SPTBN4: variants seen among roughly 807,000 people sequenced by gnomAD.
SPTBN4 encodes the protein spectrin beta, non-erythrocytic 4.
SPTBN4 carries 96 observed loss-of-function variants against 277.8 expected under a neutral mutation model. The observed-to-expected ratio is 0.35, with a 90% confidence interval of 0.29 to 0.41. SPTBN4 has a LOEUF of 0.41. SPTBN4 is among the 10% of genes least tolerant of loss of function. The pLI is 1.00. For synonymous variants in SPTBN4, 1,481 were observed against 1,580.3 expected (o/e 0.94, Z 1.49); for missense variants, 3,006 against 3,595.7 (o/e 0.84, Z 4.19).
rs993536802 is a variant in SPTBN4, at chr19:40,576,197, G to A, written c.*628G>A. On this transcript the variant is annotated 3_prime_UTR_variant, in exon 36 of 36. Transcript: ENST00000598249. ...TCCTCCCCCGCCCCGCATCCGCGAAGGCTTTTAATGGGAGGGGCGTCAAAG... is the reference window on the plus strand; with the variant it reads ...TCCTCCCCCGCCCCGCATCCGCGAAAGCTTTTAATGGGAGGGGCGTCAAAG... The A allele has an allele frequency of 4.6e-5, 7 of 152,520 alleles. No homozygotes were observed. Among genetic ancestry groups the A allele is most frequent in the African/African-American group, 1.7e-4 (7 of 41,452 alleles). The allele number at this position is 152,520 out of a possible 1,614,324, so 9.4% of individuals were successfully genotyped here.
chr19:40,562,677 A>G (rs1323107774), intron 27 of SPTBN4, among the ~76,000 whole-genome samples: 1 of 150,800 alleles, frequency 6.6e-6, no homozygotes, highest in Non-Finnish European at 1.5e-5. Context: ...TCTACTAAAA[A>G]TACAAACTTA....
intron 20 of SPTBN4, among the ~76,000 whole-genome samples, chr19:40,546,397 T>C (rs2080860844): frequency 6.6e-6 from 1 of 152,178 alleles, no homozygotes; most frequent in Non-Finnish European, 1.5e-5. Flanking sequence ...TCCTTTTTTT[T>C]TGCTGATGTC....
Position 40,513,247 on chromosome 19 carries a change from G to C in SPTBN4, c.2458G>C (p.Gly820Arg), listed in dbSNP as rs1247661689. ...GGCGCGCCAGCACCGCGCGCTCACC[G>C]GGGAGGTGGAGGCACATCGCGGGCC... is the stretch of plus-strand genomic sequence containing the variant. ...RLARQHRALTGEVEAHRGPVS... is the reference protein window; with the variant it reads ...RLARQHRALTREVEAHRGPVS... The change falls in exon 14 of 36, where the codon GGG becomes CGG. Residue 820 changes from glycine (G) to arginine (R), a missense_variant. Physicochemically the swap from Gly to Arg is moderately radical, Grantham distance 125. Around this residue, in one of 5 missense-constraint regions of SPTBN4, gnomAD observed 1,759 missense variants for 2,061.5 expected, o/e 0.85. Coordinates refer to ENST00000598249, the MANE Select transcript of SPTBN4 (RefSeq NM_020971.3). 3 of 1,521,316 alleles carry C rather than the reference G, an allele frequency of 2.0e-6. No homozygotes were observed. The highest frequency in any genetic ancestry group is 1.8e-6 in the Non-Finnish European group (2 of 1,140,954). 94.2% of individuals were successfully genotyped at this position (1,521,316 alleles called of 1,614,324 possible). A position where few individuals can be genotyped will look rare whatever the true frequency, so the allele number is the denominator to read the frequency against.
chr19:40,515,416 G>A lies in SPTBN4; in HGVS notation c.2871G>A (p.Glu957=). Reference sequence around the variant, plus strand: ...AAGGAGGCCACCCCAGTTCAGATGAGGTGCGTTCCTGCCAGGACCACCTCA... The same window carrying A: ...AAGGAGGCCACCCCAGTTCAGATGAAGTGCGTTCCTGCCAGGACCACCTCA... ...LVEGGHPSSD[E]VRSCQDHLNS... Residue 957 remains glutamate, a synonymous_variant, in exon 15 of 36, where the codon GAG becomes GAA. Coordinates refer to ENST00000598249, the MANE Select transcript of SPTBN4 (RefSeq NM_020971.3). This position sits in a 1 kb window ranked among gnomAD's most constrained non-coding sequence, Gnocchi z 4.1. 1.3e-6 allele frequency: 2 copies of A among 1,581,244 alleles called. No homozygotes were observed. The highest frequency in any genetic ancestry group is 1.7e-6 in the Non-Finnish European group (2 of 1,163,186).
In SPTBN4 at chr19:40,549,549, CTCAT is replaced by C. The variant is rs1215073485; in HGVS notation, c.4584+148_4584+151del. 119 of 646,532 alleles carry C rather than the reference CTCAT, an allele frequency of 1.8e-4. 1 individual carries two copies. In the East Asian group the frequency reaches 3.4e-3, roughly 19 times the overall value. 40.0% of individuals were successfully genotyped at this position (646,532 alleles called of 1,614,324 possible). On this transcript the variant is annotated intron_variant, in intron 21 of 35. Transcript: ENST00000598249. ...GCTGAAAGACGCATTCAGCCGTTCA[CTCAT>C]TCATTCATTCACACTCATTTACTCA... is the stretch of plus-strand genomic sequence containing the variant.
intron 13 of SPTBN4, among the ~76,000 whole-genome samples, chr19:40,509,492 G>T (rs562886892): frequency 2.0e-5 from 3 of 152,130 alleles, no homozygotes; most frequent in Non-Finnish European, 2.9e-5. Flanking sequence ...TGATCTGCCC[G>T]CTTTGTCTTC....
At chr19:40,530,660 C>G (rs1156661271) in intron 18 of SPTBN4, 1 of 826,334 alleles carries the variant, frequency 1.2e-6, no homozygotes, top group African/African-American at 1.9e-5. Context: ...GGGGCTCGGG[C>G]GCGTGCCCGC....
At position 40,519,573 on chromosome 19, in the gene SPTBN4, G is replaced by A; in HGVS notation, c.3076G>A (p.Gly1026Ser). 1.3e-6 allele frequency: 2 copies of A among 1,508,788 alleles called. No individual in the cohort carries two copies. The highest frequency in any genetic ancestry group is 1.8e-6 in the Non-Finnish European group (2 of 1,137,032). 93.5% of individuals were successfully genotyped at this position (1,508,788 alleles called of 1,614,324 possible). Reference sequence around the variant, plus strand: ...CGGCGCCCTGCAGTGGCGTCTTAGCGGCCTAGAGGCCGCTCTGCAGGCGCT... The same window carrying A: ...CGGCGCCCTGCAGTGGCGTCTTAGCAGCCTAGAGGCCGCTCTGCAGGCGCT... The part of the protein sequence containing the change: ...AGGALQWRLS[G>S]LEAALQALEP... The change falls in exon 16 of 36, where the codon GGC (glycine) becomes AGC (serine). Residue 1026 changes from glycine to serine, a missense_variant. Physicochemically the swap from Gly to Ser is moderately conservative, Grantham distance 56. Transcript: ENST00000598249. This position sits in a 1 kb window ranked among gnomAD's most constrained non-coding sequence, Gnocchi z 5.7.
chr19:40,491,309 C>T (rs77172023), intron 4 of SPTBN4, among the ~76,000 whole-genome samples: 4,914 of 152,016 alleles, frequency 0.032, 112 homozygotes, highest in African/African-American at 0.056. Flanking sequence ...TGGGAGGCAA[C>T]GGGAGACATG....
At position 40,557,010 on chromosome 19, in the gene SPTBN4, T is replaced by A; in HGVS notation, c.5290-13T>A. On this transcript the variant is annotated splice_polypyrimidine_tract_variant and intron_variant, in intron 25 of 35. Coordinates refer to ENST00000598249, the MANE Select transcript of SPTBN4 (RefSeq NM_020971.3). ...CACTTTGCTGTACCCCCCCCCCCACTTCCTGATGGCAGGTGCTGCAGGAGA... is the reference window on the plus strand; with the variant it reads ...CACTTTGCTGTACCCCCCCCCCCACATCCTGATGGCAGGTGCTGCAGGAGA... 2 of 1,221,112 alleles carry A rather than the reference T, an allele frequency of 1.6e-6. No individual in the cohort carries two copies. The highest frequency in any genetic ancestry group is 2.2e-6 in the Non-Finnish European group (2 of 895,894). The allele number at this position is 1,221,112 out of a possible 1,614,324, so 75.6% of individuals were successfully genotyped here.
intron 20 of SPTBN4, among the ~76,000 whole-genome samples, chr19:40,535,135 A>G (rs1349983888): frequency 6.6e-6 from 1 of 152,146 alleles, no homozygotes; most frequent in African/African-American, 2.4e-5. Flanking sequence ...AGTCCATTGC[A>G]GCCTCAAACT....
chr19:40,560,947 T>C lies in SPTBN4; in HGVS notation c.5915+544T>C, dbSNP rs936021349. On this transcript the variant is annotated intron_variant, in intron 27 of 35. Coordinates refer to ENST00000598249, the MANE Select transcript of SPTBN4 (RefSeq NM_020971.3). This position sits in a 1 kb window ranked among gnomAD's most constrained non-coding sequence, Gnocchi z 5.2. ...ATAGCAGGAGGATCACACAGAAGGT[T>C]TTAGGGATAAAGCCGGCACCCACAC... is the stretch of plus-strand genomic sequence containing the variant. Among the ~76,000 whole-genome samples, 1 of 152,002 alleles carries C rather than the reference T, an allele frequency of 6.6e-6. No homozygotes were observed. Among genetic ancestry groups the C allele is most frequent in the Non-Finnish European group, 1.5e-5 (1 of 67,992 alleles).
At position 40,566,303 on chromosome 19, in the gene SPTBN4, C is replaced by A; in HGVS notation, c.6280C>A (p.Arg2094Ser). Reference protein sequence around the residue: ...EQLIRRHEAFRKAAAAWEERF... With the variant: ...EQLIRRHEAFSKAAAAWEERF... ...GCTTATCCGGCGACATGAGGCCTTC[C>A]GCAAAGCGGCTGCAGCCTGGGAAGA... is the stretch of plus-strand genomic sequence containing the variant. The change falls in exon 30 of 36, where the codon CGC becomes AGC. Residue 2094 changes from arginine to serine, a missense_variant. Arg to Ser is a moderately radical substitution (Grantham distance 110). Around this residue, in one of 5 missense-constraint regions of SPTBN4, gnomAD observed 630 missense variants for 677.6 expected, o/e 0.93. Coordinates refer to ENST00000598249, the MANE Select transcript of SPTBN4 (RefSeq NM_020971.3). The A allele has an allele frequency of 6.3e-7, 1 of 1,594,198 alleles. No homozygotes were observed. Among genetic ancestry groups the A allele is most frequent in the Non-Finnish European group, 8.5e-7 (1 of 1,170,398 alleles).
chr19:40,496,533 C>T (rs576313476), intron 6 of SPTBN4, among the ~76,000 whole-genome samples: 24 of 152,270 alleles, frequency 1.6e-4, no homozygotes, highest in Middle Eastern at 3.4e-3. Flanking sequence ...ATCTGCCCAA[C>T]TCAGCTTCCC....
Position 40,506,300 on chromosome 19 carries a change from A to G in SPTBN4, c.1730A>G (p.His577Arg), listed in dbSNP as rs1407047714. 1.2e-6 allele frequency: 2 copies of G among 1,613,942 alleles called. No individual in the cohort carries two copies. The highest frequency in any genetic ancestry group is 1.7e-6 in the Non-Finnish European group (2 of 1,179,908). Residue 577 changes from histidine (H) to arginine (R), a missense_variant, in exon 13 of 36, where the codon CAT (histidine) becomes CGT (arginine). Coordinates refer to ENST00000598249, the MANE Select transcript of SPTBN4 (RefSeq NM_020971.3). ...LVEADDLLQK[H>R]GLLEGDIAAQ... ...GAGGCAGACGACCTGTTGCAGAAGCATGGACTGCTGGAGGGAGACATTGCC... is the reference window on the plus strand; with the variant it reads ...GAGGCAGACGACCTGTTGCAGAAGCGTGGACTGCTGGAGGGAGACATTGCC...
In SPTBN4 at chr19:40,558,363, A is replaced by C. The variant is rs200864488; in HGVS notation, c.5670+960A>C. On this transcript the variant is annotated intron_variant, in intron 26 of 35. Coordinates refer to ENST00000598249, the MANE Select transcript of SPTBN4 (RefSeq NM_020971.3). ...CAGAGTGAGACTCCATCTCAAAAAA[A>C]AAAAAGAACTTAGATAACAGGTCTC... Among the ~76,000 whole-genome samples the C allele has an allele frequency of 4.2e-4, 63 of 151,298 alleles. No individual in the cohort carries two copies. The East Asian group carries it at 0.012, about 28-fold the overall frequency.
Position 40,515,515 on chromosome 19 carries a change from C to T in SPTBN4, c.2903+67C>T. 1 of 1,423,066 alleles carries T rather than the reference C, an allele frequency of 7.0e-7. No homozygotes were observed. The highest frequency in any genetic ancestry group is 2.8e-5 in the East Asian group (1 of 35,590). The allele number at this position is 1,423,066 out of a possible 1,614,324, so 88.2% of individuals were successfully genotyped here. On this transcript the variant is annotated intron_variant, in intron 15 of 35. Transcript: ENST00000598249. This position sits in a 1 kb window ranked among gnomAD's most constrained non-coding sequence, Gnocchi z 4.1. ...TCCACACTCACACAGCCATGGACAG[C>T]AAGATGTGCAATCTCAAACCCCTGG...
rs746544779 is a variant in SPTBN4, at chr19:40,566,171, G to A, written c.6148G>A (p.Val2050Met). 2 of 1,527,410 alleles carry A rather than the reference G, an allele frequency of 1.3e-6. No individual in the cohort carries two copies. Among genetic ancestry groups the A allele is most frequent in the Non-Finnish European group, 1.8e-6 (2 of 1,132,596 alleles). The allele number at this position is 1,527,410 out of a possible 1,614,324, so 94.6% of individuals were successfully genotyped here. ...HWEWLQQMLEVHQFAQEAVVA... is the reference protein window; with the variant it reads ...HWEWLQQMLEMHQFAQEAVVA... ...TGCATGCCCCTCCTCAGTGCTGGAG[G>A]TGCACCAGTTTGCCCAGGAGGCGGT... Residue 2050 changes from valine to methionine, a missense_variant, in exon 30 of 36, where the codon GTG becomes ATG. By Grantham distance (21) the Val-to-Met change is conservative (BLOSUM62 1). Coordinates refer to ENST00000598249, the MANE Select transcript of SPTBN4 (RefSeq NM_020971.3).
chr19:40,545,527 C>T (rs910112234), intron 20 of SPTBN4, among the ~76,000 whole-genome samples: 1 of 152,226 alleles, frequency 6.6e-6, no homozygotes, highest in African/African-American at 2.4e-5. Flanking sequence ...CCACCACTGA[C>T]AGTGGCTGAG....
Sources: gnomAD v4.1 joint callset for allele counts (sites outside exome capture counted in the v4.1 genomes callset) on GRCh38, gnomAD v4.1.1 for gene constraint, gnomAD v4.1.1 regional missense constraint, Gnocchi (gnomAD v3.1) non-coding constraint, MANE v1.5 for transcripts, NCBI Gene and HGNC (gene_info 2026-07-23, HGNC 2026-07-21) for gene names.